Variants in LRGUK observed in about 807,000 individuals in gnomAD.
LRGUK encodes leucine rich repeats and guanylate kinase domain containing.
Under a neutral mutation model 76.0 loss-of-function variants are expected in LRGUK, and 65 were observed. That is an observed-to-expected ratio of 0.85 (90% CI 0.70 to 1.05). The LOEUF is 1.05. LRGUK is among the 50% of genes least tolerant of loss of function. The pLI is 0.00. For synonymous variants in LRGUK, 268 were observed against 265.6 expected (o/e 1.01, Z -0.09); for missense variants, 758 against 732.8 (o/e 1.03, Z -0.40).
the LRGUK span, among the ~76,000 whole-genome samples, chr7:134,270,786 G>A: frequency 0.11 from 16,780 of 151,964 alleles, 2,377 homozygotes; most frequent in African/African-American, 0.33. Context: ...GTTGGTGAAT[G>A]CTAAATTTGT....
chr7:134,180,163 A>G (rs1030922619), intron 10 of LRGUK, among the ~76,000 whole-genome samples: 3 of 152,200 alleles, frequency 2.0e-5, no homozygotes, highest in Admixed American at 2.0e-4. Flanking sequence ...CCCCAGTTTT[A>G]GTGAAAAATA....
chr7:134,174,432 G>A, intron 7 of LRGUK, 124 bp from the exon 8 acceptor site: 1 of 644,266 alleles, frequency 1.6e-6, no homozygotes, highest in South Asian at 1.9e-5. Context: ...TCATTAAAAA[G>A]CTAGACAGAG....
intron 4 of LRGUK, among the ~76,000 whole-genome samples, chr7:134,145,701 T>G (rs1250547370): frequency 6.6e-6 from 1 of 152,180 alleles, no homozygotes; most frequent in Non-Finnish European, 1.5e-5. Flanking sequence ...TGAGACCCCA[T>G]GGCCCACATC....
intron 5 of LRGUK, among the ~76,000 whole-genome samples, chr7:134,155,781 C>T (rs1034256526): frequency 4.6e-5 from 7 of 152,118 alleles, no homozygotes; most frequent in Non-Finnish European, 1.0e-4. Flanking sequence ...GATATTATCC[C>T]CACTTTAAAT....
intron 12 of LRGUK, among the ~76,000 whole-genome samples, chr7:134,196,411 C>G (rs1800490224): frequency 6.6e-6 from 1 of 151,788 alleles, no homozygotes; most frequent in Admixed American, 6.6e-5. Flanking sequence ...GACACCAATT[C>G]TGTTGGATGA....
intron 16 of LRGUK, among the ~76,000 whole-genome samples, chr7:134,224,320 T>C (rs923040024): frequency 1.3e-5 from 2 of 152,252 alleles, no homozygotes; most frequent in African/African-American, 2.4e-5. Context: ...TTCACACTGA[T>C]AGGCAGAAGC....
At chr7:134,223,914 G>T (rs1801665825) in intron 16 of LRGUK, among the ~76,000 whole-genome samples, 2 of 152,110 alleles carry the variant, frequency 1.3e-5, no homozygotes, top group Admixed American at 1.3e-4. Context: ...GAGTCAATGA[G>T]CCCAGCTAAC....
chr7:134,230,884 A>G (rs1335665132), intron 16 of LRGUK, among the ~76,000 whole-genome samples: 1 of 152,086 alleles, frequency 6.6e-6, no homozygotes, highest in Non-Finnish European at 1.5e-5. Flanking sequence ...CCAGAGGGGG[A>G]AAATGGTGGT....
intron 16 of LRGUK, among the ~76,000 whole-genome samples, chr7:134,243,447 C>T (rs1163416247): frequency 3.9e-5 from 6 of 152,088 alleles, no homozygotes; most frequent in South Asian, 2.1e-4. Flanking sequence ...AACTCCCATT[C>T]GCAATTGCTT....
At chr7:134,160,683 G>T (rs1020785647) in intron 6 of LRGUK, among the ~76,000 whole-genome samples, 1 of 152,188 alleles carries the variant, frequency 6.6e-6, no homozygotes, top group African/African-American at 2.4e-5. Context: ...CAGCTTCTTA[G>T]CAAGTAATGA....
At chr7:134,224,069 C>T (rs1426048469) in intron 16 of LRGUK, among the ~76,000 whole-genome samples, 5 of 152,220 alleles carry the variant, frequency 3.3e-5, no homozygotes, top group Admixed American at 6.5e-5. Context: ...CTTTCCAGAT[C>T]AGCCCACAGC....
chr7:134,204,159 G>A (rs1800906999), intron 15 of LRGUK, among the ~76,000 whole-genome samples: 1 of 152,134 alleles, frequency 6.6e-6, no homozygotes, highest in African/African-American at 2.4e-5. Flanking sequence ...CTGACTGGGG[G>A]GGCTTGAACA....
chr7:134,251,629 A>G (rs1356046105), intron 18 of LRGUK, among the ~76,000 whole-genome samples: 2 of 152,164 alleles, frequency 1.3e-5, no homozygotes, highest in African/African-American at 4.8e-5. Context: ...TATGCTATGT[A>G]TGTATTTAAT....
chr7:134,172,052 G>C (rs1210691158), intron 7 of LRGUK, among the ~76,000 whole-genome samples: 1 of 152,146 alleles, frequency 6.6e-6, no homozygotes, highest in African/African-American at 2.4e-5. Flanking sequence ...AAAACCAACT[G>C]ATCCCAGCTG....
intron 12 of LRGUK, among the ~76,000 whole-genome samples, chr7:134,192,551 C>T (rs1054341741): frequency 6.6e-6 from 1 of 152,156 alleles, no homozygotes; most frequent in Non-Finnish European, 1.5e-5. Flanking sequence ...AATTCATTTT[C>T]TTCAAAACAA....
chr7:134,162,341 A>G (rs1233516758), intron 6 of LRGUK, among the ~76,000 whole-genome samples: 2 of 152,108 alleles, frequency 1.3e-5, no homozygotes, highest in East Asian at 3.9e-4. Flanking sequence ...CCCATGTGAC[A>G]TTTCCTTTTC....
At chr7:134,235,747 G>C (rs1339835833) in intron 16 of LRGUK, among the ~76,000 whole-genome samples, 1 of 152,106 alleles carries the variant, frequency 6.6e-6, no homozygotes, top group Non-Finnish European at 1.5e-5. Flanking sequence ...GAAGGAACAG[G>C]GGGAAGTATA....
chr7:134,143,262 T>A, intron 4 of LRGUK, 100 bp downstream of exon 4: 1 of 741,658 alleles, frequency 1.3e-6, no homozygotes. Flanking sequence ...GAGAATAAGA[T>A]ACAGAGGTAA....
intron 16 of LRGUK, among the ~76,000 whole-genome samples, chr7:134,237,922 A>G (rs1284438520): frequency 6.6e-6 from 1 of 152,186 alleles, no homozygotes; most frequent in Non-Finnish European, 1.5e-5. Flanking sequence ...AGATGATACA[A>G]TCTCCCATTA....
Sources: allele counts gnomAD v4.1 joint callset (sites outside exome capture counted in the v4.1 genomes callset), GRCh38; gene constraint gnomAD v4.1.1; transcripts MANE v1.5; gene names NCBI Gene and HGNC (gene_info 2026-07-23, HGNC 2026-07-21).